Variants in SLC25A31 observed in about 807,000 individuals in gnomAD.
SLC25A31 encodes the protein ADP/ATP translocase 4.
In SLC25A31, 40 loss-of-function variants were observed where a neutral mutation model predicts 36.2. That is an observed-to-expected ratio of 1.10 (90% CI 0.86 to 1.44). The LOEUF (loss-of-function observed/expected upper bound fraction) is 1.44. SLC25A31 is among the 40% of genes most tolerant of loss of function. The pLI is 0.00. For missense variants in SLC25A31, 350 were observed against 397.1 expected, an observed-to-expected ratio of 0.88 and a Z score of 1.01; for synonymous variants, 143 against 149.7, an observed-to-expected ratio of 0.96 and a Z score of 0.32.
intron 4 of SLC25A31, among the ~76,000 whole-genome samples, chr4:127,768,063 CA>C (rs545067349): frequency 1.3e-5 from 2 of 149,108 alleles, no homozygotes; most frequent in South Asian, 2.1e-4. Flanking sequence ...TAAAGGCAAG[CA>C]AAAAAAAATC....
At chr4:127,759,209 A>C (rs1165830877) in intron 2 of SLC25A31, among the ~76,000 whole-genome samples, 10 of 144,638 alleles carry the variant, frequency 6.9e-5, no homozygotes, top group Non-Finnish European at 1.4e-4. Context: ...ATGTATTCCT[A>C]TGGTTTTTTT....
chr4:127,768,920 ATC>A (rs1560641653), intron 5 of SLC25A31, 43 bp downstream of exon 5: 4 of 1,518,720 alleles, frequency 2.6e-6, no homozygotes, highest in Non-Finnish European at 3.5e-6. Flanking sequence ...AGTTTTTAAT[ATC>A]TCTGATATTT....
At chr4:127,756,459 G>A (rs1462425162) in intron 2 of SLC25A31, among the ~76,000 whole-genome samples, 1 of 152,032 alleles carries the variant, frequency 6.6e-6, no homozygotes, top group Non-Finnish European at 1.5e-5. Flanking sequence ...ATGGGTAGAT[G>A]TTGCTCAAAG....
chr4:127,745,849 C>T (rs1423611697), intron 2 of SLC25A31, among the ~76,000 whole-genome samples: 1 of 151,952 alleles, frequency 6.6e-6, no homozygotes, highest in African/African-American at 2.4e-5. Flanking sequence ...TGAAGGTTTG[C>T]TTTATAGGTA....
At chr4:127,741,652 A>G (rs1731734824) in intron 1 of SLC25A31, among the ~76,000 whole-genome samples, 1 of 152,090 alleles carries the variant, frequency 6.6e-6, no homozygotes, top group African/African-American at 2.4e-5. Flanking sequence ...ATGTTTGTTC[A>G]TTGGAATATT....
intron 1 of SLC25A31, among the ~76,000 whole-genome samples, chr4:127,735,892 A>ATTTTT (rs869204653): frequency 1.0e-3 from 40 of 38,654 alleles, no homozygotes; most frequent in Non-Finnish European, 1.7e-3. Context: ...TTATTTATTT[A>ATTTTT]TTTATTTTTT....
At chr4:127,759,956 A>G (rs1732097293) in intron 2 of SLC25A31, among the ~76,000 whole-genome samples, 2 of 152,302 alleles carry the variant, frequency 1.3e-5, no homozygotes, top group Admixed American at 6.5e-5. Context: ...TGATGAAATT[A>G]TAGTGATGGA....
intron 2 of SLC25A31, among the ~76,000 whole-genome samples, chr4:127,756,584 TG>T (rs1732035097): frequency 6.6e-6 from 1 of 152,184 alleles, no homozygotes; most frequent in African/African-American, 2.4e-5. Context: ...ATGTTTTAAA[TG>T]TTCTCACCAC....
intron 2 of SLC25A31, among the ~76,000 whole-genome samples, chr4:127,748,872 T>G (rs561745785): frequency 6.6e-6 from 1 of 152,144 alleles, no homozygotes; most frequent in Non-Finnish European, 1.5e-5. Context: ...TAACAAAGAC[T>G]CAGGCAACCA....
chr4:127,773,377 T>C lies in SLC25A31; in HGVS notation c.760-9T>C. On this transcript the variant is annotated splice_polypyrimidine_tract_variant and intron_variant, in intron 5 of 5. Transcript: ENST00000281154. ...GATAATGGAAAACCCTTTGTTTTTCTTTGTATAGAGTGGTGAGGCTAAACG... is the reference window on the plus strand; with the variant it reads ...GATAATGGAAAACCCTTTGTTTTTCCTTGTATAGAGTGGTGAGGCTAAACG... 1 of 1,593,854 alleles carries C rather than the reference T, an allele frequency of 6.3e-7. No homozygotes were observed. The highest frequency in any genetic ancestry group is 2.2e-5 in the East Asian group (1 of 44,716).
At chr4:127,731,640 G>A (rs1213028797) in intron 1 of SLC25A31, among the ~76,000 whole-genome samples, 5 of 152,050 alleles carry the variant, frequency 3.3e-5, no homozygotes, top group Admixed American at 1.3e-4. Flanking sequence ...AGCCCAGATC[G>A]CGCCACCGCA....
intron 2 of SLC25A31, among the ~76,000 whole-genome samples, chr4:127,753,194 G>A (rs1374322836): frequency 1.3e-5 from 2 of 151,994 alleles, no homozygotes. Flanking sequence ...AACTTATAGG[G>A]TATAGCAAAA....
chr4:127,765,390 A>G (rs1198912683), intron 3 of SLC25A31, among the ~76,000 whole-genome samples: 3 of 152,160 alleles, frequency 2.0e-5, no homozygotes, highest in Non-Finnish European at 4.4e-5. Context: ...TATTCTCTCC[A>G]TCTGGCAAAA....
At chr4:127,744,957 C>T (rs1283119727) in intron 2 of SLC25A31, among the ~76,000 whole-genome samples, 158 bp downstream of exon 2, 1 of 151,926 alleles carries the variant, frequency 6.6e-6, no homozygotes, top group African/African-American at 2.4e-5. Flanking sequence ...GGAGGATGTG[C>T]TCAAGTAGTG....
chr4:127,759,645 C>G (rs1005255692), intron 2 of SLC25A31, among the ~76,000 whole-genome samples: 1 of 152,022 alleles, frequency 6.6e-6, no homozygotes, highest in South Asian at 2.1e-4. Flanking sequence ...GGTGGTTAAC[C>G]TCTGTTAAAC....
At chr4:127,735,550 A>C (rs1372014618) in intron 1 of SLC25A31, among the ~76,000 whole-genome samples, 1 of 152,158 alleles carries the variant, frequency 6.6e-6, no homozygotes, top group Non-Finnish European at 1.5e-5. Context: ...GCTCCATAAG[A>C]TCAGGAACAT....
rs1193854572 is a variant in SLC25A31 at position 127,767,102 on chromosome 4, G to A, written c.515G>A (p.Cys172Tyr). 1.9e-6 allele frequency: 3 copies of A among 1,613,618 alleles called. No individual in the cohort carries two copies. The African/African-American group carries it at 4.0e-5, about 22-fold the overall frequency. The change falls in exon 4 of 6, where the codon TGT (cysteine) becomes TAT (tyrosine). Residue 172 changes from cysteine to tyrosine, a missense_variant. Coordinates refer to ENST00000281154, the MANE Select transcript of SLC25A31 (RefSeq NM_031291.4). ...CGACAATTCAAGGGTTTAGGTGACT[G>A]TATTATGAAAATAGCAAAATCAGAT... ...EERQFKGLGDCIMKIAKSDGI... is the reference protein window; with the variant it reads ...EERQFKGLGDYIMKIAKSDGI...
chr4:127,770,025 T>G (rs943887199), intron 5 of SLC25A31, among the ~76,000 whole-genome samples: 2 of 152,190 alleles, frequency 1.3e-5, no homozygotes, highest in African/African-American at 4.8e-5. Context: ...AACACTGAGG[T>G]GTAGTTCCTA....
intron 1 of SLC25A31, among the ~76,000 whole-genome samples, chr4:127,739,318 G>T (rs942647216): frequency 5.3e-5 from 8 of 152,050 alleles, no homozygotes; most frequent in African/African-American, 1.9e-4. Flanking sequence ...GCACTTGCTT[G>T]CCTGGAAAAG....
Sources: allele counts gnomAD v4.1 joint callset (sites outside exome capture counted in the v4.1 genomes callset), GRCh38; gene constraint gnomAD v4.1.1; transcripts MANE v1.5; gene names NCBI Gene and HGNC (gene_info 2026-07-23, HGNC 2026-07-21).